STX18: variants seen among roughly 807,000 people sequenced by gnomAD.
STX18 encodes the protein syntaxin-18.
STX18 carries 40 observed loss-of-function variants against 50.1 expected under a neutral mutation model. The ratio of observed to expected loss-of-function variants is 0.80; its 90% CI spans 0.62 to 1.04. STX18 has a LOEUF of 1.04. Among genes scored for constraint, STX18 ranks in the 50% least tolerant of loss-of-function variants. The pLI, the probability that STX18 is intolerant of heterozygous loss-of-function variation, is 0.00. For missense variants in STX18, 410 were observed against 415.8 expected, an observed-to-expected ratio of 0.99 and a Z score of 0.12; for synonymous variants, 158 against 151.8, an observed-to-expected ratio of 1.04 and a Z score of -0.30.
chr4:4,510,330 A>G (rs1460955536), intron 1 of STX18, among the ~76,000 whole-genome samples: 1 of 152,240 alleles, frequency 6.6e-6, no homozygotes, highest in Non-Finnish European at 1.5e-5. Context: ...TAAGAAAAAA[A>G]GATTGTGTGT....
At chr4:4,474,694 A>G (rs1355236394) in intron 1 of STX18, among the ~76,000 whole-genome samples, 4 of 152,222 alleles carry the variant, frequency 2.6e-5, no homozygotes, top group African/African-American at 9.6e-5. Flanking sequence ...AGAAAGACTC[A>G]TTCCAATGTT....
chr4:4,429,975 A>C (rs1431024844), intron 7 of STX18, among the ~76,000 whole-genome samples: 1 of 152,234 alleles, frequency 6.6e-6, no homozygotes, highest in Non-Finnish European at 1.5e-5. Flanking sequence ...AGGTGGTTTT[A>C]CCTGAGGCAA....
chr4:4,524,958 A>G (rs1730681860), intron 1 of STX18, among the ~76,000 whole-genome samples: 1 of 152,052 alleles, frequency 6.6e-6, no homozygotes, highest in Admixed American at 6.5e-5. Flanking sequence ...GATACGAAGA[A>G]AAGAAAAGAA....
chr4:4,516,223 T>C (rs1038405529), intron 1 of STX18, among the ~76,000 whole-genome samples: 2 of 152,160 alleles, frequency 1.3e-5, no homozygotes, highest in African/African-American at 4.8e-5. Flanking sequence ...AAAAGCACTG[T>C]TTTGATTCAT....
intron 5 of STX18, among the ~76,000 whole-genome samples, chr4:4,452,011 T>C (rs1455695638): frequency 6.6e-6 from 1 of 152,224 alleles, no homozygotes; most frequent in African/African-American, 2.4e-5. Flanking sequence ...ATTAAAGTGC[T>C]ACTCCAGTGA....
rs368199497 is a variant in STX18, at chr4:4,425,240, C to T, written c.703-18G>A. ...TGTTCAAACTGTGAGGAAACAGACA[C>T]ACTCAGGATGACATCATACTGAACT... On this transcript the variant is annotated intron_variant, in intron 7 of 10. Coordinates refer to ENST00000306200, the MANE Select transcript of STX18 (RefSeq NM_016930.4). The T allele has an allele frequency of 3.1e-6, 5 of 1,611,358 alleles. No individual in the cohort carries two copies. The highest frequency in any genetic ancestry group is 4.2e-6 in the Non-Finnish European group (5 of 1,177,602).
At chr4:4,491,487 A>AT (rs1251013114) in intron 1 of STX18, among the ~76,000 whole-genome samples, 1 of 152,116 alleles carries the variant, frequency 6.6e-6, no homozygotes, top group Non-Finnish European at 1.5e-5. Flanking sequence ...TCTACTATAG[A>AT]TTTTACACTA....
chr4:4,433,977 C>T (rs1374008967), intron 7 of STX18, among the ~76,000 whole-genome samples: 4 of 152,192 alleles, frequency 2.6e-5, no homozygotes, highest in African/African-American at 7.2e-5. Context: ...GCTAATGTTC[C>T]ACCACCTCTT....
At chr4:4,494,709 T>C (rs1560192932) in intron 1 of STX18, among the ~76,000 whole-genome samples, 2 of 152,236 alleles carry the variant, frequency 1.3e-5, no homozygotes, top group African/African-American at 2.4e-5. Flanking sequence ...ACCTGTAAAA[T>C]GCTTTGCGCA....
At chr4:4,504,030 G>A (rs1180956232) in intron 1 of STX18, among the ~76,000 whole-genome samples, 1 of 152,152 alleles carries the variant, frequency 6.6e-6, no homozygotes, top group Non-Finnish European at 1.5e-5. Flanking sequence ...ATAAAAATGT[G>A]TAAAGGTCAC....
intron 1 of STX18, among the ~76,000 whole-genome samples, chr4:4,527,835 T>C (rs1049702199): frequency 2.3e-4 from 33 of 146,034 alleles, no homozygotes; most frequent in Non-Finnish European, 4.3e-4. Context: ...TATATATATA[T>C]GTCTTTATAT....
chr4:4,538,516 TAC>T (rs1453442906), intron 1 of STX18, among the ~76,000 whole-genome samples: 1 of 147,542 alleles, frequency 6.8e-6, no homozygotes, highest in Non-Finnish European at 1.5e-5. Context: ...GTTTGGAAAA[TAC>T]AGCTTGGTGC....
At chr4:4,518,826 T>G (rs1730394801) in intron 1 of STX18, among the ~76,000 whole-genome samples, 1 of 152,218 alleles carries the variant, frequency 6.6e-6, no homozygotes, top group Non-Finnish European at 1.5e-5. Flanking sequence ...TGCACTTTAT[T>G]TTATGACATT....
At chr4:4,475,325 A>G (rs1728123372) in intron 1 of STX18, among the ~76,000 whole-genome samples, 1 of 152,210 alleles carries the variant, frequency 6.6e-6, no homozygotes, top group Admixed American at 6.5e-5. Flanking sequence ...ATTACTGACT[A>G]AATTACATCA....
At chr4:4,479,812 T>C (rs2108847641) in intron 1 of STX18, among the ~76,000 whole-genome samples, 1 of 152,256 alleles carries the variant, frequency 6.6e-6, no homozygotes, top group Non-Finnish European at 1.5e-5. Context: ...CTCTCTTACA[T>C]TATCTGCTCT....
chr4:4,467,743 T>TG (rs1264760459), intron 2 of STX18, among the ~76,000 whole-genome samples: 4 of 4,380 alleles, frequency 9.1e-4, no homozygotes, highest in South Asian at 6.3e-3. Flanking sequence ...AAGGTGGGCA[T>TG]GGGGGGTGGG....
At chr4:4,498,747 C>T (rs1729304308) in intron 1 of STX18, among the ~76,000 whole-genome samples, 1 of 151,960 alleles carries the variant, frequency 6.6e-6, no homozygotes, top group African/African-American at 2.4e-5. Flanking sequence ...AATCAAATAG[C>T]AAAGCAGTTT....
intron 1 of STX18, among the ~76,000 whole-genome samples, chr4:4,505,632 A>AT (rs987790242): frequency 2.6e-5 from 4 of 151,894 alleles, no homozygotes; most frequent in South Asian, 4.2e-4. Context: ...ATAAAAAAAA[A>AT]AAAAAAATCA....
At chr4:4,462,781 G>C (rs2108824028) in intron 2 of STX18, among the ~76,000 whole-genome samples, 1 of 152,212 alleles carries the variant, frequency 6.6e-6, no homozygotes, top group Admixed American at 6.5e-5. Flanking sequence ...TCTATCTTCT[G>C]AAGTTATCTG....
Sources: allele counts gnomAD v4.1 joint callset (sites outside exome capture counted in the v4.1 genomes callset), GRCh38; gene constraint gnomAD v4.1.1; transcripts MANE v1.5; gene names NCBI Gene and HGNC (gene_info 2026-07-23, HGNC 2026-07-21).